ATP2A1: variants seen among roughly 807,000 people sequenced by gnomAD.
ATP2A1 encodes sarcoplasmic/endoplasmic reticulum calcium ATPase 1.
In ATP2A1, 83 loss-of-function variants were observed where a neutral mutation model predicts 109.5. The ratio of observed to expected loss-of-function variants is 0.76; its 90% CI spans 0.63 to 0.91. The LOEUF is 0.91. Among genes scored for constraint, ATP2A1 ranks in the 40% least tolerant of loss-of-function variants. The pLI is 0.00. For synonymous variants in ATP2A1, 505 were observed against 537.6 expected (o/e 0.94, Z 0.84); for missense variants, 1,101 against 1,341.0 (o/e 0.82, Z 2.80).
At chr16:28,893,330 C>T (rs1251126770) in intron 9 of ATP2A1, among the ~76,000 whole-genome samples, 1 of 151,812 alleles carries the variant, frequency 6.6e-6, no homozygotes, top group Non-Finnish European at 1.5e-5. Context: ...CACTTGAGCC[C>T]GGGAGGTTGA....
chr16:28,901,763 C>T, intron 15 of ATP2A1, 100 bp from the exon 16 acceptor site: 2 of 1,092,866 alleles, frequency 1.8e-6, no homozygotes, highest in South Asian at 1.3e-5. Flanking sequence ...TCAAGACCAG[C>T]CTGGGCAACA....
At chr16:28,879,365 G>C in intron 2 of ATP2A1, 136 bp from the exon 3 acceptor site, 4 of 940,582 alleles carry the variant, frequency 4.3e-6, no homozygotes, top group Non-Finnish European at 5.2e-6. Context: ...GAGCTTCTTA[G>C]CCCTTCTCTG....
At chr16:28,890,186 G>T (rs1963730125) in intron 9 of ATP2A1, among the ~76,000 whole-genome samples, 1 of 151,730 alleles carries the variant, frequency 6.6e-6, no homozygotes. Context: ...TAAGCCAGGG[G>T]TGGTGGCTCA....
chr16:28,889,251 A>G (rs1963702129), intron 9 of ATP2A1, among the ~76,000 whole-genome samples: 1 of 151,898 alleles, frequency 6.6e-6, no homozygotes, highest in African/African-American at 2.4e-5. Context: ...CATTTTTTTA[A>G]TTAAAAAAAA....
At chr16:28,889,072 T>C in intron 9 of ATP2A1, 119 bp downstream of exon 9, 1 of 1,416,062 alleles carries the variant, frequency 7.1e-7, no homozygotes, top group Admixed American at 1.7e-5. Flanking sequence ...GCCTGCAAAA[T>C]GCTCAAAGGG....
chr16:28,888,604 T>C (rs1210574456), intron 8 of ATP2A1, among the ~76,000 whole-genome samples, 183 bp from the exon 9 acceptor site: 1 of 150,096 alleles, frequency 6.7e-6, no homozygotes, highest in Non-Finnish European at 1.5e-5. Context: ...GGAGTCTCAC[T>C]GTGTTTTCCA....
chr16:28,887,665 G>C lies in ATP2A1; in HGVS notation c.871G>C (p.Gly291Arg). 1 of 1,614,108 alleles carries C rather than the reference G, an allele frequency of 6.2e-7. No homozygotes were observed. Among genetic ancestry groups the C allele is most frequent in the Non-Finnish European group, 8.5e-7 (1 of 1,180,024 alleles). ...DPVHGGSWFR[G>R]AIYYFKIAVA... is the part of the protein sequence containing the mutation. Reference sequence around the variant, plus strand: ...CGTCCATGGGGGCTCCTGGTTCCGCGGGGCCATCTACTACTTTAAGATTGC... The same window carrying C: ...CGTCCATGGGGGCTCCTGGTTCCGCCGGGCCATCTACTACTTTAAGATTGC... The change falls in exon 8 of 23, where the codon GGG (glycine) becomes CGG (arginine). Residue 291 changes from glycine to arginine, a missense_variant. Physicochemically the swap from Gly to Arg is moderately radical, Grantham distance 125. Transcript: ENST00000395503.
In ATP2A1 at chr16:28,880,930, G is replaced by C. The variant is rs1432771200; in HGVS notation, c.235G>C (p.Glu79Gln). ...ACISFVLAWFEEGEETITAFV... is the reference protein window; with the variant it reads ...ACISFVLAWFQEGEETITAFV... ...TGCTCCCCAGGTGCTGGCCTGGTTT[G>C]AGGAAGGTGAAGAGACCATCACTGC... Residue 79 changes from glutamate (E) to glutamine (Q), a missense_variant, in exon 4 of 23, where the codon GAG becomes CAG. Physicochemically the swap from Glu to Gln is conservative, Grantham distance 29. Coordinates refer to ENST00000395503, the MANE Select transcript of ATP2A1 (RefSeq NM_004320.6). The surrounding 1 kb of genome is among the most constrained non-coding windows in gnomAD (Gnocchi z 4.2). 3 of 1,614,210 alleles carry C rather than the reference G, an allele frequency of 1.9e-6. No individual in the cohort carries two copies. The highest frequency in any genetic ancestry group is 2.5e-6 in the Non-Finnish European group (3 of 1,180,036).
At chr16:28,893,612 A>G (rs2152208673) in intron 9 of ATP2A1, among the ~76,000 whole-genome samples, 1 of 150,072 alleles carries the variant, frequency 6.7e-6, no homozygotes, top group Middle Eastern at 3.5e-3. Flanking sequence ...CAGAAGCTCC[A>G]GCACAGCACA....
At chr16:28,884,771 C>T in intron 6 of ATP2A1, 116 bp downstream of exon 6, 1 of 1,033,644 alleles carries the variant, frequency 9.7e-7, no homozygotes, top group Non-Finnish European at 1.4e-6. Context: ...CATAAAGAGA[C>T]CCTGTCTCTA....
At position 28,902,535 on chromosome 16, in the gene ATP2A1, C is replaced by T; in HGVS notation, c.2525-45C>T. 1 of 1,599,764 alleles carries T rather than the reference C, an allele frequency of 6.3e-7. No individual in the cohort carries two copies. The highest frequency in any genetic ancestry group is 2.2e-5 in the East Asian group (1 of 44,740). On this transcript the variant is annotated intron_variant, in intron 17 of 22. Transcript: ENST00000395503. The surrounding 1 kb of genome is among the most constrained non-coding windows in gnomAD (Gnocchi z 4.8). ...TGAGGCCCTCAACCCTCGATGCCCC[C>T]TATCTCCCCAGCCCTGACCCCCGAC...
chr16:28,878,771 G>A lies in ATP2A1; in HGVS notation c.100G>A (p.Glu34Lys). Residue 34 changes from glutamate (E) to lysine (K), a missense_variant, in exon 1 of 23, where the codon GAG becomes AAG. Glu to Lys is a moderately conservative substitution (Grantham distance 56, BLOSUM62 1). Transcript: ENST00000395503. Reference protein sequence around the residue: ...LTPDQVKRNLEKYGLNELPAE... With the variant: ...LTPDQVKRNLKKYGLNELPAE... ...CCCGGACCAAGTTAAGCGGAATCTG[G>A]AGAAATACGGCCTCAATGGTAAGTG... 1 of 1,614,020 alleles carries A rather than the reference G, an allele frequency of 6.2e-7. No homozygotes were observed. Among genetic ancestry groups the A allele is most frequent in the Non-Finnish European group, 8.5e-7 (1 of 1,179,958 alleles).
In ATP2A1 at chr16:28,900,830, C is replaced by T. The variant is rs201306038; in HGVS notation, c.2014C>T (p.Arg672Cys). Residue 672 changes from arginine to cysteine, a missense_variant, in exon 15 of 23, where the codon CGT becomes TGT. Coordinates refer to ENST00000395503, the MANE Select transcript of ATP2A1 (RefSeq NM_004320.6). ...GGCTGAACAGCGGGAAGCCTGCCGA[C>T]GTGCCTGCTGCTTCGCCCGTGTGGA... is the stretch of plus-strand genomic sequence containing the variant. ...PLAEQREACR[R>C]ACCFARVEPS... 1.4e-5 allele frequency: 22 copies of T among 1,614,224 alleles called. No homozygotes were observed. In the Admixed American group the frequency reaches 2.7e-4, roughly 20 times the overall value.
Position 28,879,750 on chromosome 16 carries a change from C to T in ATP2A1, c.219+167C>T, listed in dbSNP as rs1490241345. 4.5e-5 allele frequency: 37 copies of T among 822,974 alleles called. No homozygotes were observed. The East Asian group carries it at 9.6e-4, about 21-fold the overall frequency. The allele number at this position is 822,974 out of a possible 1,614,324, so 51.0% of individuals were successfully genotyped here. A position where few individuals can be genotyped will look rare whatever the true frequency, so the allele number is the denominator to read the frequency against. On this transcript the variant is annotated intron_variant, in intron 3 of 22. Transcript: ENST00000395503. The stretch of plus-strand genomic sequence containing the variant: ...GGGTGTGATTCGCGTCCTCCTCTCT[C>T]CTCCCCTGCACCCCAGAGGCAGGTT...
In ATP2A1 at chr16:28,887,687, T is replaced by G. The variant is rs769118456; in HGVS notation, c.893T>G (p.Ile298Ser). ...CGCGGGGCCATCTACTACTTTAAGA[T>G]TGCCGTGGCCTTGGCTGTGGCTGCC... ...WFRGAIYYFK[I>S]AVALAVAAIP... Residue 298 changes from isoleucine to serine, a missense_variant, in exon 8 of 23, where the codon ATT (isoleucine) becomes AGT (serine). Ile to Ser is a moderately radical substitution (Grantham distance 142). Transcript: ENST00000395503. 1 of 1,614,122 alleles carries G rather than the reference T, an allele frequency of 6.2e-7. No individual in the cohort carries two copies. Among genetic ancestry groups the G allele is most frequent in the East Asian group, 2.2e-5 (1 of 44,892 alleles).
chr16:28,903,941 G>T lies in ATP2A1; in HGVS notation c.*37+200G>T, dbSNP rs1596690542. 1.1e-5 allele frequency: 8 copies of T among 733,864 alleles called. No individual in the cohort carries two copies. In the East Asian group the frequency reaches 1.7e-4, roughly 16 times the overall value. 45.5% of individuals were successfully genotyped at this position (733,864 alleles called of 1,614,324 possible). A position where few individuals can be genotyped will look rare whatever the true frequency, so the allele number is the denominator to read the frequency against. The stretch of plus-strand genomic sequence containing the variant: ...CAGTTTGGCTCCCAGGCCCTGGGCA[G>T]TGCCAGCCTCTGGGCCCGTCTGCTG... On this transcript the variant is annotated intron_variant, in intron 22 of 22. Transcript: ENST00000395503. This position sits in a 1 kb window ranked among gnomAD's most constrained non-coding sequence, Gnocchi z 5.6.
At chr16:28,895,100 G>C in intron 12 of ATP2A1, 147 bp downstream of exon 12, 1 of 1,220,018 alleles carries the variant, frequency 8.2e-7, no homozygotes. Context: ...TTCTCCACAG[G>C]CTGATGTGGG....
intron 5 of ATP2A1, among the ~76,000 whole-genome samples, chr16:28,884,223 CCA>C (rs1287664135): frequency 2.0e-5 from 3 of 152,192 alleles, no homozygotes; most frequent in African/African-American, 7.2e-5. Context: ...AATTTCCCCT[CCA>C]GTCATTCAGT....
intron 4 of ATP2A1, 27 bp from the exon 5 acceptor site, chr16:28,882,424 C>A (rs1164282058): frequency 6.2e-7 from 1 of 1,613,492 alleles, no homozygotes; most frequent in Non-Finnish European, 8.5e-7. Flanking sequence ...TGTGTATAAC[C>A]CTGCCTCCTC....
Sources: allele counts gnomAD v4.1 joint callset (sites outside exome capture counted in the v4.1 genomes callset), GRCh38; gene constraint gnomAD v4.1.1; non-coding constraint Gnocchi (gnomAD v3.1); transcripts MANE v1.5; gene names NCBI Gene and HGNC (gene_info 2026-07-23, HGNC 2026-07-21).